Variants in CEP128 observed in about 807,000 individuals in gnomAD.
CEP128 encodes the protein centrosomal protein 128, also known as centrosomal protein 128kDa.
CEP128 carries 132 observed loss-of-function variants against 156.7 expected under a neutral mutation model. The ratio of observed to expected loss-of-function variants is 0.84; its 90% CI spans 0.73 to 0.97. The LOEUF is 0.97. Ranked by LOEUF, CEP128 falls within the 50% of genes least tolerant of loss-of-function variation. CEP128 has a pLI of 0.00. For synonymous variants in CEP128, 469 were observed against 448.9 expected (o/e 1.04, Z -0.57); for missense variants, 1,252 against 1,281.9 (o/e 0.98, Z 0.36).
chr14:80,879,846 A>C (rs981627750), intron 8 of CEP128, among the ~76,000 whole-genome samples: 10 of 149,516 alleles, frequency 6.7e-5, no homozygotes, highest in Admixed American at 2.7e-4. Flanking sequence ...CCCAGATTCA[A>C]CTCAAAGAGA....
chr14:80,940,274 T>C (rs571586994), intron 1 of CEP128, among the ~76,000 whole-genome samples: 3 of 152,112 alleles, frequency 2.0e-5, no homozygotes, highest in Non-Finnish European at 4.4e-5. Context: ...TGAGAGAACA[T>C]AGGCACAGTG....
At chr14:80,844,131 G>A (rs1886479562) in intron 9 of CEP128, among the ~76,000 whole-genome samples, 1 of 151,514 alleles carries the variant, frequency 6.6e-6, no homozygotes, top group African/African-American at 2.4e-5. Flanking sequence ...AGTTCATCCA[G>A]TTGAGGATTA....
intron 9 of CEP128, 150 bp downstream of exon 9, chr14:80,862,607 T>C (rs1887565929): frequency 5.1e-6 from 3 of 585,146 alleles, no homozygotes; most frequent in Admixed American, 5.5e-5. Context: ...CAGGGAGGTC[T>C]GATTCTATAC....
chr14:80,702,081 A>G (rs1395511921), intron 19 of CEP128, among the ~76,000 whole-genome samples: 1 of 152,170 alleles, frequency 6.6e-6, no homozygotes, highest in Non-Finnish European at 1.5e-5. Flanking sequence ...TGTTTTCTCA[A>G]CATGGCAATT....
intron 15 of CEP128, among the ~76,000 whole-genome samples, chr14:80,784,606 C>T (rs1266364271): frequency 6.6e-6 from 1 of 152,124 alleles, no homozygotes; most frequent in Admixed American, 6.6e-5. Flanking sequence ...TGAATGAGGG[C>T]ACGTTTCAGG....
chr14:80,627,845 T>C (rs61981711), intron 19 of CEP128, among the ~76,000 whole-genome samples: 2,568 of 151,946 alleles, frequency 0.017, 61 homozygotes, highest in East Asian at 0.14. Flanking sequence ...GTGTTAGATG[T>C]AATAGAGCTA....
In CEP128 at chr14:80,704,830, T is replaced by C. The variant is rs551846111; in HGVS notation, c.2806+38245A>G. 2.1e-3 allele frequency among the ~76,000 whole-genome samples: 320 copies of C among 152,084 alleles called. 2 individuals carry two copies. Among genetic ancestry groups the C allele is most frequent in the African/African-American group, 7.4e-3 (307 of 41,530 alleles). Reference sequence around the variant, plus strand: ...TTCTCCCTCTTGCCTCGTTTTTTCCTTTTTTAAACTCTTTTATTGTAGAAA... The same window carrying C: ...TTCTCCCTCTTGCCTCGTTTTTTCCCTTTTTAAACTCTTTTATTGTAGAAA... On this transcript the variant is annotated intron_variant, in intron 19 of 24. Transcript: ENST00000555265.
chr14:80,777,157 T>C (rs926415156), intron 16 of CEP128, among the ~76,000 whole-genome samples: 1 of 152,214 alleles, frequency 6.6e-6, no homozygotes, highest in East Asian at 1.9e-4. Flanking sequence ...ACTGAATGTA[T>C]GTACCCAAAA....
chr14:80,893,030 T>C (rs1889176812), intron 8 of CEP128, among the ~76,000 whole-genome samples: 2 of 152,010 alleles, frequency 1.3e-5, no homozygotes, highest in Non-Finnish European at 2.9e-5. Context: ...CATTCCTATG[T>C]TCATTGCATC....
chr14:80,507,306 G>A (rs1566745820), intron 23 of CEP128, among the ~76,000 whole-genome samples: 1 of 152,024 alleles, frequency 6.6e-6, no homozygotes. Flanking sequence ...CACTAATTAT[G>A]GGAATTTCAT....
Position 80,792,875 on chromosome 14 carries a change from A to C in CEP128, c.1445T>G (p.Leu482Arg). The C allele has an allele frequency of 1.2e-6, 2 of 1,614,140 alleles. No homozygotes were observed. The highest frequency in any genetic ancestry group is 1.7e-6 in the Non-Finnish European group (2 of 1,180,006). Residue 482 changes from leucine to arginine, a missense_variant, in exon 14 of 25, where the codon CTG (leucine) becomes CGG (arginine). Leu to Arg is a moderately radical substitution (Grantham distance 102). Coordinates refer to ENST00000555265, the MANE Select transcript of CEP128 (RefSeq NM_152446.5). ...AATGGATTCTTGAGCTTTCAGTTTC[A>C]GGTCTTCCCTCCTCTTCTCCGCCTC... Reference protein sequence around the residue: ...KEEAEKRREDLKLKAQESIRQ... With the variant: ...KEEAEKRREDRKLKAQESIRQ...
intron 16 of CEP128, among the ~76,000 whole-genome samples, chr14:80,773,486 T>C (rs1031213963): frequency 1.3e-5 from 2 of 152,146 alleles, no homozygotes; most frequent in African/African-American, 4.8e-5. Flanking sequence ...TACAAACATA[T>C]TCAAAATTAA....
At chr14:80,737,163 T>C (rs1332074074) in intron 19 of CEP128, among the ~76,000 whole-genome samples, 7 of 152,052 alleles carry the variant, frequency 4.6e-5, no homozygotes, top group Non-Finnish European at 7.4e-5. Flanking sequence ...CCCAGCACTT[T>C]GGGAGGCCGA....
intron 19 of CEP128, among the ~76,000 whole-genome samples, chr14:80,637,199 T>C (rs568712852): frequency 6.6e-6 from 1 of 152,286 alleles, no homozygotes; most frequent in South Asian, 2.1e-4. Context: ...CATGGTCCAT[T>C]CTACCCATGG....
At chr14:80,903,141 G>T (rs576123975) in intron 6 of CEP128, among the ~76,000 whole-genome samples, 1 of 151,852 alleles carries the variant, frequency 6.6e-6, no homozygotes, top group African/African-American at 2.4e-5. Flanking sequence ...AAACAGCATG[G>T]TACTAGAAAA....
intron 23 of CEP128, among the ~76,000 whole-genome samples, chr14:80,522,738 T>C (rs1383900724): frequency 4.0e-4 from 61 of 152,190 alleles, no homozygotes; most frequent in Non-Finnish European, 8.8e-5. Context: ...TTCTGTTCTA[T>C]TTGAAACAGC....
intron 19 of CEP128, among the ~76,000 whole-genome samples, chr14:80,689,155 A>C (rs903900561): frequency 5.3e-5 from 8 of 152,072 alleles, no homozygotes; most frequent in African/African-American, 1.9e-4. Flanking sequence ...ATTCAAGACC[A>C]GCCTGGCCAA....
At chr14:80,848,778 C>T (rs1886739987) in intron 9 of CEP128, among the ~76,000 whole-genome samples, 1 of 151,654 alleles carries the variant, frequency 6.6e-6, no homozygotes, top group South Asian at 2.1e-4. Context: ...ATTGATTAGC[C>T]AGACATGGTG....
intron 8 of CEP128, among the ~76,000 whole-genome samples, chr14:80,873,100 G>C (rs1043624073): frequency 5.9e-5 from 9 of 152,174 alleles, no homozygotes; most frequent in Non-Finnish European, 1.0e-4. Flanking sequence ...GTACAATTAT[G>C]TGGGCACAAT....
Sources: allele counts gnomAD v4.1 joint callset (sites outside exome capture counted in the v4.1 genomes callset), GRCh38; gene constraint gnomAD v4.1.1; transcripts MANE v1.5; gene names NCBI Gene and HGNC (gene_info 2026-07-23, HGNC 2026-07-21).